Variants in ZFAT observed in about 807,000 individuals in gnomAD.
ZFAT encodes the protein zinc finger protein ZFAT.
A neutral mutation model predicts 117.7 loss-of-function variants in ZFAT; 64 were observed. That is an observed-to-expected ratio of 0.54 (90% CI 0.44 to 0.67). The LOEUF is 0.67. ZFAT is among the 30% of genes least tolerant of loss of function. ZFAT has a pLI of 0.00. For missense variants in ZFAT, 1,433 were observed against 1,584.5 expected, an observed-to-expected ratio of 0.90 and a Z score of 1.62; for synonymous variants, 679 against 615.0, an observed-to-expected ratio of 1.10 and a Z score of -1.54.
At chr8:134,538,796 C>CAAA (rs35209102) in intron 11 of ZFAT, among the ~76,000 whole-genome samples, 36 of 105,078 alleles carry the variant, frequency 3.4e-4, no homozygotes, top group African/African-American at 1.0e-3. Flanking sequence ...GACCCTGTCA[C>CAAA]AAAAAAAAAA....
chr8:134,549,442 G>GAAA (rs34384490), intron 11 of ZFAT, among the ~76,000 whole-genome samples: 10 of 119,328 alleles, frequency 8.4e-5, no homozygotes, highest in African/African-American at 9.5e-5. Context: ...CTCCGTCTCA[G>GAAA]AAAAAAAAAA....
chr8:134,783,248 C>T, the ZFAT span, among the ~76,000 whole-genome samples: 8 of 152,108 alleles, frequency 5.3e-5, no homozygotes, highest in Non-Finnish European at 8.8e-5. Flanking sequence ...TCAAGGGTCC[C>T]CATCCCCTGG....
chr8:134,776,588 T>C, the ZFAT span, among the ~76,000 whole-genome samples: 2 of 152,174 alleles, frequency 1.3e-5, no homozygotes. Context: ...ACTTCTACAG[T>C]TCCCCCCTCC....
At chr8:134,562,418 G>T (rs540806890) in intron 11 of ZFAT, among the ~76,000 whole-genome samples, 145 of 152,342 alleles carry the variant, frequency 9.5e-4, no homozygotes, top group Non-Finnish European at 1.7e-3. Flanking sequence ...GGGAAGGGAA[G>T]ACGACAGGGA....
chr8:134,793,965 A>G, the ZFAT span: 1 of 152,366 alleles, frequency 6.6e-6, no homozygotes, highest in East Asian at 1.9e-4. Context: ...TCTCATTTAC[A>G]TACAAAAAAT....
At chr8:134,685,858 C>G (rs1833296115) in intron 1 of ZFAT, among the ~76,000 whole-genome samples, 1 of 152,226 alleles carries the variant, frequency 6.6e-6, no homozygotes, top group African/African-American at 2.4e-5. Context: ...TGGCTGGTGC[C>G]TTCCCCGTCA....
At chr8:134,524,031 T>A (rs1820847654) in intron 12 of ZFAT, among the ~76,000 whole-genome samples, 2 of 152,216 alleles carry the variant, frequency 1.3e-5, no homozygotes, top group South Asian at 4.1e-4. Context: ...TCTGTTCAAG[T>A]CCCAGCACCC....
intron 3 of ZFAT, among the ~76,000 whole-genome samples, chr8:134,627,175 A>G (rs1038812321): frequency 6.6e-6 from 1 of 152,188 alleles, no homozygotes; most frequent in Non-Finnish European, 1.5e-5. Context: ...GCCTGACCCC[A>G]TGTATTTTAC....
the ZFAT span, among the ~76,000 whole-genome samples, chr8:134,751,531 G>C: frequency 6.6e-6 from 1 of 152,300 alleles, no homozygotes; most frequent in East Asian, 1.9e-4. Context: ...GCTATTAGAA[G>C]AGAACACTAC....
intron 1 of ZFAT, among the ~76,000 whole-genome samples, chr8:134,702,928 C>A (rs1834055037): frequency 1.3e-5 from 2 of 152,202 alleles, no homozygotes; most frequent in Non-Finnish European, 2.9e-5. Context: ...GCCTCGGCCT[C>A]CCAAAGTGCT....
chr8:134,696,933 T>TTG (rs1462004681), intron 1 of ZFAT, among the ~76,000 whole-genome samples: 1 of 152,102 alleles, frequency 6.6e-6, no homozygotes, highest in Non-Finnish European at 1.5e-5. Context: ...TTTTTTTTTT[T>TTG]TTGGAGACGA....
At chr8:134,824,167 A>G in the ZFAT span, among the ~76,000 whole-genome samples, 8 of 152,266 alleles carry the variant, frequency 5.3e-5, no homozygotes, top group Non-Finnish European at 8.8e-5. Flanking sequence ...AGTGCTGCCT[A>G]GCTCAAGTGA....
intron 11 of ZFAT, among the ~76,000 whole-genome samples, chr8:134,543,223 G>C (rs1254131490): frequency 6.7e-6 from 1 of 148,174 alleles, no homozygotes; most frequent in African/African-American, 2.5e-5. Context: ...GAAGACATGG[G>C]GTCATGTACA....
chr8:134,585,361 G>A (rs139371131), intron 9 of ZFAT, among the ~76,000 whole-genome samples: 1 of 152,260 alleles, frequency 6.6e-6, no homozygotes, highest in African/African-American at 2.4e-5. Context: ...GAGGGAACAT[G>A]GTGCATCCCT....
At chr8:134,639,994 C>T (rs750717831) in intron 2 of ZFAT, 30 of 349,856 alleles carry the variant, frequency 8.6e-5, no homozygotes, top group Non-Finnish European at 1.6e-4. Context: ...TCTAGGCCCC[C>T]GGATGTCCCT....
intron 11 of ZFAT, among the ~76,000 whole-genome samples, chr8:134,546,878 C>T (rs931513757): frequency 6.6e-6 from 1 of 152,296 alleles, no homozygotes; most frequent in African/African-American, 2.4e-5. Context: ...ACAGTTTACA[C>T]AAAGAACAGT....
At chr8:134,788,633 G>C in the ZFAT span, among the ~76,000 whole-genome samples, 1 of 152,068 alleles carries the variant, frequency 6.6e-6, no homozygotes, top group African/African-American at 2.4e-5. Flanking sequence ...TTTTTTGGGG[G>C]TAGGGTCCGG....
chr8:134,766,524 C>A, the ZFAT span: 1 of 152,168 alleles, frequency 6.6e-6, no homozygotes, highest in South Asian at 2.1e-4. Flanking sequence ...GTCTGCCTTT[C>A]CAATCCCAGC....
chr8:134,531,108 C>T (rs1821373996), intron 12 of ZFAT, among the ~76,000 whole-genome samples: 1 of 152,226 alleles, frequency 6.6e-6, no homozygotes, highest in Non-Finnish European at 1.5e-5. Context: ...TCAGGGAATG[C>T]CGACTGATTA....
Sources: allele counts gnomAD v4.1 joint callset (sites outside exome capture counted in the v4.1 genomes callset), GRCh38; gene constraint gnomAD v4.1.1; transcripts MANE v1.5; gene names NCBI Gene and HGNC (gene_info 2026-07-23, HGNC 2026-07-21).